TRIM37: variants seen among roughly 807,000 people sequenced by gnomAD.
The protein encoded by TRIM37 is E3 ubiquitin-protein ligase TRIM37.
In TRIM37, 80 loss-of-function variants were observed where a neutral mutation model predicts 129.8. The observed-to-expected ratio is 0.62, with a 90% CI of 0.51 to 0.74. The LOEUF is 0.74. Ranked by LOEUF, TRIM37 falls within the 30% of genes least tolerant of loss-of-function variation. The probability of loss-of-function intolerance (pLI) is 0.00; values close to 1 mark genes in which losing one functional copy is unlikely to be tolerated. For synonymous variants in TRIM37, 389 were observed against 387.1 expected (o/e 1.00, Z -0.06); for missense variants, 1,054 against 1,176.5 (o/e 0.90, Z 1.52).
chr17:59,054,249 T>C (rs181565132), intron 13 of TRIM37, among the ~76,000 whole-genome samples: 267 of 152,354 alleles, frequency 1.8e-3, no homozygotes, highest in Middle Eastern at 0.01. Context: ...AAGTTCTTAT[T>C]TTGATCATCA....
intron 11 of TRIM37, 96 bp downstream of exon 11, chr17:59,062,471 A>C (rs2041578435): frequency 6.1e-6 from 6 of 976,710 alleles, no homozygotes; most frequent in Non-Finnish European, 9.6e-6. Flanking sequence ...CAAAAAAAAG[A>C]AGAGTTAACA....
At chr17:58,989,358 C>G (rs1184555287) in intron 24 of TRIM37, among the ~76,000 whole-genome samples, 1 of 152,074 alleles carries the variant, frequency 6.6e-6, no homozygotes, top group Non-Finnish European at 1.5e-5. Flanking sequence ...ATCGCTTGAA[C>G]CTTGGAGGTG....
downstream of TRIM37, among the ~76,000 whole-genome samples, chr17:58,994,836 G>A (rs542009913): frequency 2.0e-4 from 30 of 150,120 alleles, no homozygotes; most frequent in African/African-American, 6.9e-4. Context: ...TGCAACCTCC[G>A]CCTCACGGGT....
At chr17:59,070,731 A>T in intron 9 of TRIM37, 92 bp downstream of exon 9, 1 of 1,360,428 alleles carries the variant, frequency 7.4e-7, no homozygotes, top group Non-Finnish European at 1.0e-6. Context: ...AGAGAGAGAG[A>T]TGGCATTAAA....
chr17:59,105,418 A>C (rs760538862), intron 1 of TRIM37, among the ~76,000 whole-genome samples: 1 of 152,210 alleles, frequency 6.6e-6, no homozygotes, highest in Non-Finnish European at 1.5e-5. Flanking sequence ...TGTAAATACA[A>C]GAAACAGTAT....
intron 16 of TRIM37, among the ~76,000 whole-genome samples, chr17:59,042,441 A>ATATATAT (rs1555661491): frequency 1.4e-3 from 118 of 84,374 alleles, no homozygotes; most frequent in African/African-American, 6.1e-3. Context: ...TAAAAAAAAA[A>ATATATAT]AAAAAAAAAT....
intron 2 of TRIM37, among the ~76,000 whole-genome samples, chr17:59,095,335 C>T (rs530133011): frequency 1.3e-5 from 2 of 152,126 alleles, no homozygotes; most frequent in African/African-American, 2.4e-5. Flanking sequence ...CTGAATGCTC[C>T]GAGAAGGAAA....
At chr17:59,035,386 A>G (rs1015897731) in intron 17 of TRIM37, among the ~76,000 whole-genome samples, 1 of 152,118 alleles carries the variant, frequency 6.6e-6, no homozygotes, top group African/African-American at 2.4e-5. Context: ...GCATCCATTT[A>G]TGAATATATC....
At chr17:58,994,780 C>T (rs563003914), downstream of TRIM37, among the ~76,000 whole-genome samples, 1 of 150,350 alleles carries the variant, frequency 6.7e-6, no homozygotes, top group Non-Finnish European at 1.5e-5. Flanking sequence ...CAGAGTTTCG[C>T]TCTTGTTGCC....
At chr17:59,090,911 C>A (rs1263863283) in intron 3 of TRIM37, among the ~76,000 whole-genome samples, 1 of 152,086 alleles carries the variant, frequency 6.6e-6, no homozygotes, top group Non-Finnish European at 1.5e-5. Context: ...CAGGTATGAG[C>A]GAGCCACTGT....
intron 24 of TRIM37, among the ~76,000 whole-genome samples, chr17:58,988,863 T>C (rs2032071657): frequency 6.6e-6 from 1 of 152,192 alleles, no homozygotes; most frequent in African/African-American, 2.4e-5. Flanking sequence ...GCACAACTCC[T>C]AACTACTATT....
intron 19 of TRIM37, among the ~76,000 whole-genome samples, chr17:59,028,181 T>C (rs2037439812): frequency 6.6e-6 from 1 of 152,214 alleles, no homozygotes; most frequent in Non-Finnish European, 1.5e-5. Context: ...ATCTATGATG[T>C]TAAGAATTTT....
At chr17:59,081,038 T>C in intron 6 of TRIM37, 59 bp downstream of exon 6, 2 of 929,996 alleles carry the variant, frequency 2.2e-6, no homozygotes, top group Non-Finnish European at 2.8e-6. Flanking sequence ...ATTATATAAA[T>C]ATATTATTAT....
intron 8 of TRIM37, among the ~76,000 whole-genome samples, chr17:59,075,144 A>G (rs1326419311): frequency 6.6e-6 from 1 of 152,226 alleles, no homozygotes; most frequent in Non-Finnish European, 1.5e-5. Context: ...GTTCCCAAAC[A>G]TGAAGAAAAA....
intron 19 of TRIM37, among the ~76,000 whole-genome samples, chr17:59,026,114 C>G (rs1257923975): frequency 6.6e-6 from 1 of 152,102 alleles, no homozygotes; most frequent in Non-Finnish European, 1.5e-5. Flanking sequence ...AACAAACCCT[C>G]GTCTATATGG....
intron 2 of TRIM37, among the ~76,000 whole-genome samples, chr17:59,097,920 A>G (rs893286294): frequency 6.6e-6 from 1 of 152,228 alleles, no homozygotes; most frequent in East Asian, 1.9e-4. Context: ...TAAAACTCCA[A>G]TGGTACTTTT....
intron 23 of TRIM37, among the ~76,000 whole-genome samples, chr17:59,001,092 G>A (rs191946047): frequency 6.6e-6 from 1 of 151,756 alleles, no homozygotes; most frequent in South Asian, 2.1e-4. Context: ...CTACTCAGGA[G>A]GCTGAGGCAG....
the TRIM37 span, chr17:58,972,355 CTTTT>C: frequency 2.6e-6 from 3 of 1,144,968 alleles, no homozygotes; most frequent in Non-Finnish European, 3.5e-6. Context: ...GATTCACTTA[CTTTT>C]TTTTTTTTTG....
Position 59,049,278 on chromosome 17 carries a change from C to T in TRIM37, c.1430G>A (p.Cys477Tyr), listed in dbSNP as rs199823429. ...ALETRAKKSA[C>Y]SDMLLEGGPT... ...ACCACCTTCGAGAAGCATGTCAGAG[C>T]ATGCAGACTTCTTAGCTCGTGTCTC... Residue 477 changes from cysteine to tyrosine, a missense_variant, in exon 15 of 24, where the codon TGC (cysteine) becomes TAC (tyrosine). Physicochemically the swap from Cys to Tyr is radical, Grantham distance 194. Around this residue, in one of 3 missense-constraint regions of TRIM37, gnomAD observed 752 missense variants for 870.8 expected, o/e 0.86. Transcript: ENST00000262294. The T allele has an allele frequency of 3.7e-6, 6 of 1,614,138 alleles. No individual in the cohort carries two copies. Among genetic ancestry groups the T allele is most frequent in the Non-Finnish European group, 5.1e-6 (6 of 1,180,036 alleles).
Sources: gnomAD v4.1 joint callset for allele counts (sites outside exome capture counted in the v4.1 genomes callset) on GRCh38, gnomAD v4.1.1 for gene constraint, gnomAD v4.1.1 regional missense constraint, MANE v1.5 for transcripts, NCBI Gene and HGNC (gene_info 2026-07-23, HGNC 2026-07-21) for gene names.